The following ZNF717 variants were observed in gnomAD, a reference collection of about 807,000 sequenced individuals.
ZNF717 encodes krueppel-like factor X17.
ZNF717 carries 9 observed loss-of-function variants against 13.8 expected under a neutral mutation model. The observed-to-expected ratio is 0.65, with a 90% confidence interval of 0.39 to 1.14. The LOEUF (loss-of-function observed/expected upper bound fraction) is 1.14. Ranked by LOEUF, ZNF717 falls within the 50% of genes most tolerant of loss-of-function variation. The pLI is 0.01. For synonymous variants in ZNF717, 327 were observed against 364.1 expected (o/e 0.90, Z 1.16); for missense variants, 1,040 against 1,080.7 (o/e 0.96, Z 0.53).
Position 75,737,671 on chromosome 3 carries a change from T to A in ZNF717, c.1952A>T (p.Glu651Val), listed in dbSNP as rs761797378. ...HTGEKPYVCN[E>V]CGKTFHRKSF... ...CTTGCGATGAAAGGTTTTTCCACAT[T>A]CATTACATACGTAAGGTTTCTCTCC... is the stretch of plus-strand genomic sequence containing the variant. Residue 651 changes from glutamate to valine, a missense_variant, in exon 5 of 5, where the codon GAA (glutamate) becomes GTA (valine). Glu to Val is a moderately radical substitution (Grantham distance 121). Coordinates refer to ENST00000652011, the MANE Select transcript of ZNF717 (RefSeq NM_001290208.3). 3 of 582,874 alleles carry A rather than the reference T, an allele frequency of 5.1e-6. No individual in the cohort carries two copies. Among genetic ancestry groups the A allele is most frequent in the Admixed American group, 5.3e-5 (1 of 19,032 alleles). The allele number at this position is 582,874 out of a possible 1,614,324, so 36.1% of individuals were successfully genotyped here. A position where few individuals can be genotyped will look rare whatever the true frequency, so the allele number is the denominator to read the frequency against.
rs78422112 is a variant in ZNF717 at position 75,740,117 on chromosome 3, G to A, written c.278-772C>T. Among the ~76,000 whole-genome samples the A allele has an allele frequency of 1.2e-4, 18 of 145,462 alleles. No homozygotes were observed. The East Asian group carries it at 2.6e-3, about 21-fold the overall frequency. ...CTGGTTCCTTCTGAGATCCACAGCC[G>A]TGCCCCTCTCCACTCACCAATCGCT... On this transcript the variant is annotated intron_variant, in intron 4 of 4. Coordinates refer to ENST00000652011, the MANE Select transcript of ZNF717 (RefSeq NM_001290208.3).
chr3:75,738,761 A>G lies in ZNF717; in HGVS notation c.862T>C (p.Cys288Arg), dbSNP rs1939893702. The change falls in exon 5 of 5, where the codon TGT (cysteine) becomes CGT (arginine). Residue 288 changes from cysteine to arginine, a missense_variant. Physicochemically the swap from Cys to Arg is radical, Grantham distance 180 (BLOSUM62 -3). Around this residue, in one of 3 missense-constraint regions of ZNF717, gnomAD observed 873 missense variants for 832.8 expected, o/e 1.05. Transcript: ENST00000652011. Reference protein sequence around the residue: ...TGEKPYECVECEKPSISKSDL... With the variant: ...TGEKPYECVEREKPSISKSDL... ...GATTTGCTAATGGAGGGTTTCTCAC[A>G]TTCAACACATTCATAGGGTTTCTCT... 24 of 1,552,662 alleles carry G rather than the reference A, an allele frequency of 1.5e-5. 1 individual carries two copies. The South Asian group carries it at 2.6e-4, about 17-fold the overall frequency.
chr3:75,742,848 T>C (rs7648367), intron 2 of ZNF717, among the ~76,000 whole-genome samples: 6,551 of 152,254 alleles, frequency 0.043, 251 homozygotes, highest in African/African-American at 0.15. Flanking sequence ...TGGATAACTC[T>C]CTTATATAAA....
At chr3:75,700,056 T>G (rs1575758121) in intron 6 of ZNF717, among the ~76,000 whole-genome samples, 2 of 152,416 alleles carry the variant, frequency 1.3e-5, no homozygotes, top group Admixed American at 1.3e-4. Context: ...TTTTTTAAAA[T>G]GTCCATACAA....
At chr3:75,756,503 G>C (rs1942489080) in intron 2 of ZNF717, among the ~76,000 whole-genome samples, 1 of 152,204 alleles carries the variant, frequency 6.6e-6, no homozygotes, top group African/African-American at 2.4e-5. Context: ...TAGCCAAATT[G>C]TGAATGCAAA....
chr3:75,708,218 A>T (rs1288599625), downstream of ZNF717, among the ~76,000 whole-genome samples: 1 of 152,254 alleles, frequency 6.6e-6, no homozygotes, highest in Non-Finnish European at 1.5e-5. Context: ...GCAGACTGAC[A>T]CCTCACACGG....
chr3:75,760,205 A>AT (rs57933509), intron 2 of ZNF717, among the ~76,000 whole-genome samples: 77 of 89,112 alleles, frequency 8.6e-4, no homozygotes, highest in East Asian at 7.0e-3. Flanking sequence ...ACTTTTATAT[A>AT]TTTTTTTTTT....
downstream of ZNF717, among the ~76,000 whole-genome samples, chr3:75,705,170 G>C (rs1434596504): frequency 3.3e-5 from 5 of 152,268 alleles, no homozygotes; most frequent in Admixed American, 1.3e-4. Flanking sequence ...CTTTTTTCCT[G>C]AAAGAGTTTT....
At chr3:75,746,308 T>C (rs2107295798) in intron 2 of ZNF717, among the ~76,000 whole-genome samples, 1 of 152,354 alleles carries the variant, frequency 6.6e-6, no homozygotes, top group African/African-American at 2.4e-5. Context: ...TGGTTCCAAG[T>C]CTTTGCTATT....
rs1575730280 is a variant in ZNF717 at position 75,730,567 on chromosome 3, G to C, written c.*46C>G. ...TATCTGAGGTCCCATACGTAGGGAT[G>C]TCCAATTGACAATTGGGAATACAGT... On this transcript the variant is annotated 3_prime_UTR_variant, in exon 6 of 6. Coordinates refer to the ZNF717 transcript ENST00000477374. The C allele has an allele frequency of 1.0e-5, 7 of 700,138 alleles. No individual in the cohort carries two copies. In the East Asian group the frequency reaches 1.9e-4, roughly 19 times the overall value. 43.4% of individuals were successfully genotyped at this position (700,138 alleles called of 1,614,324 possible).
chr3:75,711,256 A>G (rs1173171090), exon 6 of ZNF717: 2 of 152,394 alleles, frequency 1.3e-5, no homozygotes, highest in South Asian at 2.1e-4. Flanking sequence ...TGTTCAAAAA[A>G]TTATACTTTA....
chr3:75,715,955 GGTTTTTTTTGGTTT>G lies in ZNF717; in HGVS notation n.667+450_667+463del, dbSNP rs1938039353. On this transcript the variant is annotated intron_variant and non_coding_transcript_variant, in intron 5 of 5. Transcript: ENST00000491507. The stretch of plus-strand genomic sequence containing the variant: ...CCTTAATGTTTGAGAATGCGATTCT[GGTTTTTTTTGGTTT>G]GTTTTTTTGTTTTTTTTTTTTAGAT... Among the ~76,000 whole-genome samples, 15 of 144,110 alleles carry G rather than the reference GGTTTTTTTTGGTTT, an allele frequency of 1.0e-4. No homozygotes were observed. The South Asian group carries it at 3.7e-3, about 35-fold the overall frequency. 94.5% of individuals were successfully genotyped at this position (144,110 alleles called of 152,430 possible).
intron 4 of ZNF717, among the ~76,000 whole-genome samples, chr3:75,723,833 G>A (rs1938219495): frequency 1.3e-5 from 2 of 152,122 alleles, no homozygotes; most frequent in South Asian, 4.1e-4. Context: ...CTTTCCCCGG[G>A]GGAGTTAGAG....
intron 2 of ZNF717, among the ~76,000 whole-genome samples, chr3:75,778,248 A>C (rs1944491753): frequency 6.6e-6 from 1 of 152,020 alleles, no homozygotes. Flanking sequence ...TGACGTGCTA[A>C]AACCGGAACC....
chr3:75,738,011 T>C lies in ZNF717; in HGVS notation c.1612A>G (p.Asn538Asp). 7.4e-7 allele frequency: 1 copy of C among 1,343,936 alleles called. No homozygotes were observed. The highest frequency in any genetic ancestry group is 9.9e-7 in the Non-Finnish European group (1 of 1,007,420). The allele number at this position is 1,343,936 out of a possible 1,614,324, so 83.3% of individuals were successfully genotyped here. A position where few individuals can be genotyped will look rare whatever the true frequency, so the allele number is the denominator to read the frequency against. ...TGGCTATATGTTTTTCCACATTCGTTACATGCGTATGGTTTTTCCCCAGCA... is the reference window on the plus strand; with the variant it reads ...TGGCTATATGTTTTTCCACATTCGTCACATGCGTATGGTTTTTCCCCAGCA... ...THAGEKPYAC[N>D]ECGKTYSHKS... Residue 538 changes from asparagine to aspartate, a missense_variant, in exon 5 of 5, where the codon AAC becomes GAC. Physicochemically the swap from Asn to Asp is conservative, Grantham distance 23. Transcript: ENST00000652011.
intron 6 of ZNF717, among the ~76,000 whole-genome samples, chr3:75,699,690 A>C (rs1167066490): frequency 6.6e-6 from 1 of 152,312 alleles, no homozygotes; most frequent in Non-Finnish European, 1.5e-5. Flanking sequence ...GAGCCAATTA[A>C]ACCTATTTTC....
chr3:75,746,878 T>A (rs1311663928), intron 2 of ZNF717, among the ~76,000 whole-genome samples: 2 of 152,254 alleles, frequency 1.3e-5, no homozygotes, highest in Non-Finnish European at 2.9e-5. Flanking sequence ...TTAGATCCTA[T>A]TTGTCAATTT....
chr3:75,703,001 T>A (rs1937726500), intron 6 of ZNF717, among the ~76,000 whole-genome samples: 1 of 152,308 alleles, frequency 6.6e-6, no homozygotes, highest in African/African-American at 2.4e-5. Context: ...AACCCTGTTC[T>A]TTACTCTGGA....
chr3:75,744,117 A>C (rs1306613748), intron 2 of ZNF717, among the ~76,000 whole-genome samples: 1 of 152,274 alleles, frequency 6.6e-6, no homozygotes, highest in Non-Finnish European at 1.5e-5. Context: ...GACTGTGAAG[A>C]CCAAGAAGGA....
Sources: gnomAD v4.1 joint callset for allele counts (sites outside exome capture counted in the v4.1 genomes callset) on GRCh38, gnomAD v4.1.1 for gene constraint, gnomAD v4.1.1 regional missense constraint, MANE v1.5 for transcripts, NCBI Gene and HGNC (gene_info 2026-07-23, HGNC 2026-07-21) for gene names.